The following IGSF11 variants were observed in gnomAD, a reference collection of about 807,000 sequenced individuals.
IGSF11 encodes immunoglobulin superfamily member 11, also known as CXADR like 1.
In IGSF11, 22 loss-of-function variants were observed where a neutral mutation model predicts 41.0. That is an observed-to-expected ratio of 0.54 (90% CI 0.38 to 0.77). The LOEUF is 0.77. Ranked by LOEUF, IGSF11 falls within the 30% of genes least tolerant of loss-of-function variation. The probability of loss-of-function intolerance (pLI) is 0.00; values close to 1 mark genes in which losing one functional copy is unlikely to be tolerated. For missense variants in IGSF11, 444 were observed against 530.8 expected (o/e 0.84, Z 1.61); for synonymous variants, 219 against 201.3 (o/e 1.09, Z -0.74).
At chr3:118,905,005 C>T (rs929873139) in intron 5 of IGSF11, among the ~76,000 whole-genome samples, 7 of 152,168 alleles carry the variant, frequency 4.6e-5, no homozygotes, top group South Asian at 2.1e-4. Flanking sequence ...AGGCTCTGAA[C>T]ATATTTTGAA....
intron 1 of IGSF11, among the ~76,000 whole-genome samples, chr3:119,033,487 C>T (rs777387353): frequency 6.6e-6 from 1 of 152,184 alleles, no homozygotes; most frequent in Admixed American, 6.5e-5. Context: ...TTAGTTTCTA[C>T]GGAGAAGACA....
chr3:118,939,064 A>C (rs1019613755), intron 1 of IGSF11, among the ~76,000 whole-genome samples: 3 of 152,234 alleles, frequency 2.0e-5, no homozygotes, highest in South Asian at 2.1e-4. Flanking sequence ...GACCTGAACA[A>C]TGAACTTAAC....
Position 118,979,128 on chromosome 3 carries a change from G to A in IGSF11, c.53-48853C>T, listed in dbSNP as rs115918296. On this transcript the variant is annotated intron_variant, in intron 1 of 6. Transcript: ENST00000393775. ...TAAATAGAAACTCTCAAGAATTCAT[G>A]GAATGAAATACAAAATACATTCAAA... Among the ~76,000 whole-genome samples, 565 of 152,102 alleles carry A rather than the reference G, an allele frequency of 3.7e-3. 2 individuals carry two copies. The highest frequency in any genetic ancestry group is 0.013 in the African/African-American group (528 of 41,526).
chr3:119,066,235 C>T (rs529926944), intron 1 of IGSF11, among the ~76,000 whole-genome samples: 42 of 152,186 alleles, frequency 2.8e-4, no homozygotes, highest in African/African-American at 9.4e-4. Flanking sequence ...CTGTAAAGAT[C>T]CTTTTTCCAA....
intron 1 of IGSF11, among the ~76,000 whole-genome samples, chr3:119,099,585 C>A (rs540589446): frequency 2.0e-5 from 3 of 152,244 alleles, no homozygotes; most frequent in African/African-American, 7.2e-5. Flanking sequence ...AGGTAAACTA[C>A]TACACATGAG....
At chr3:119,004,972 A>T (rs1937336431) in intron 1 of IGSF11, among the ~76,000 whole-genome samples, 1 of 151,364 alleles carries the variant, frequency 6.6e-6, no homozygotes, top group Non-Finnish European at 1.5e-5. Context: ...GTAGATGTCT[A>T]TTAGGTGCGC....
chr3:119,063,534 A>G (rs575686778), intron 1 of IGSF11, among the ~76,000 whole-genome samples: 11 of 152,270 alleles, frequency 7.2e-5, no homozygotes, highest in Non-Finnish European at 1.6e-4. Context: ...AAAAAATGTC[A>G]TTCTTCTGCT....
At chr3:119,038,783 T>C (rs1434224160), upstream of IGSF11, among the ~76,000 whole-genome samples, 3 of 152,182 alleles carry the variant, frequency 2.0e-5, no homozygotes, top group African/African-American at 7.2e-5. Context: ...GATTTTATAT[T>C]GGGGTATAGG....
Position 119,059,179 on chromosome 3 carries a change from TCACA to T in IGSF11, c.49+45961_49+45964del, listed in dbSNP as rs144416307. Among the ~76,000 whole-genome samples, 550 of 147,520 alleles carry T rather than the reference TCACA, an allele frequency of 3.7e-3. 1 individual carries two copies. The highest frequency in any genetic ancestry group is 9.5e-3 in the South Asian group (44 of 4,626). On this transcript the variant is annotated intron_variant, in intron 1 of 6. Coordinates refer to the IGSF11 transcript ENST00000354673. ...TGTAGTGTGTGTGTATATACACAGATCACACACACACACACACACACACACACAC... is the reference window on the plus strand; with the variant it reads ...TGTAGTGTGTGTGTATATACACAGATCACACACACACACACACACACACAC...
At chr3:119,008,887 C>T (rs1004617788) in intron 1 of IGSF11, among the ~76,000 whole-genome samples, 1 of 152,146 alleles carries the variant, frequency 6.6e-6, no homozygotes. Flanking sequence ...GACTGACCTC[C>T]GAAAAGCAAG....
intron 1 of IGSF11, among the ~76,000 whole-genome samples, chr3:118,962,819 G>T (rs534822418): frequency 1.3e-4 from 20 of 152,198 alleles, no homozygotes; most frequent in Admixed American, 1.2e-3. Context: ...GGAATAACTG[G>T]AAGGGCAAGA....
intron 6 of IGSF11, among the ~76,000 whole-genome samples, chr3:118,903,420 T>G (rs1305678860): frequency 6.6e-6 from 1 of 152,084 alleles, no homozygotes; most frequent in Non-Finnish European, 1.5e-5. Flanking sequence ...AGTAGGAAAT[T>G]AGTCCATGAA....
intron 1 of IGSF11, among the ~76,000 whole-genome samples, chr3:119,004,345 TTCTC>T (rs940505640): frequency 5.4e-5 from 7 of 128,480 alleles, no homozygotes; most frequent in African/African-American, 1.0e-4. Context: ...TATTTGATTC[TTCTC>T]TCTTTTTTTC....
intron 1 of IGSF11, among the ~76,000 whole-genome samples, chr3:118,973,353 T>C (rs1436573570): frequency 1.3e-5 from 2 of 152,196 alleles, no homozygotes; most frequent in Non-Finnish European, 2.9e-5. Context: ...GCATCTAGGA[T>C]AAGTCCCCTC....
chr3:118,917,885 A>G (rs1400225149), intron 4 of IGSF11, among the ~76,000 whole-genome samples: 2 of 135,898 alleles, frequency 1.5e-5, no homozygotes, highest in Admixed American at 1.5e-4. Context: ...CGAATCCAGC[A>G]GCACATCAAA....
At chr3:118,904,591 T>C in intron 6 of IGSF11, 57 bp downstream of exon 6, 4 of 1,239,216 alleles carry the variant, frequency 3.2e-6, no homozygotes, top group Non-Finnish European at 4.6e-6. Flanking sequence ...CTGACACAAA[T>C]GAATAGAAGT....
chr3:119,112,138 C>T (rs944289288), intron 1 of IGSF11, among the ~76,000 whole-genome samples: 6 of 152,190 alleles, frequency 3.9e-5, no homozygotes, highest in African/African-American at 1.2e-4. Flanking sequence ...CAGACAGGGA[C>T]ATTTAAGACT....
chr3:119,023,910 C>A (rs1484399471), intron 1 of IGSF11, among the ~76,000 whole-genome samples: 1 of 152,088 alleles, frequency 6.6e-6, no homozygotes, highest in Non-Finnish European at 1.5e-5. Flanking sequence ...AAGGAGTAAG[C>A]AGATTTGATT....
At chr3:119,024,488 C>T (rs1939623912) in intron 1 of IGSF11, among the ~76,000 whole-genome samples, 1 of 152,046 alleles carries the variant, frequency 6.6e-6, no homozygotes, top group Admixed American at 6.5e-5. Context: ...CTAATTCTAT[C>T]CATTTTAGAG....
Sources: allele counts gnomAD v4.1 joint callset (sites outside exome capture counted in the v4.1 genomes callset), GRCh38; gene constraint gnomAD v4.1.1; transcripts MANE v1.5; gene names NCBI Gene and HGNC (gene_info 2026-07-23, HGNC 2026-07-21).